Variants in CFAP74 observed in about 807,000 individuals in gnomAD.
CFAP74 encodes the protein cilia and flagella associated protein 74, also known as cilia- and flagella-associated protein 74.
A neutral mutation model predicts 188.9 loss-of-function variants in CFAP74; 124 were observed. The observed-to-expected ratio is 0.66, with a 90% CI of 0.57 to 0.76. The LOEUF (loss-of-function observed/expected upper bound fraction) is 0.76, where lower values mean the gene tolerates loss of function less well. CFAP74 is among the 30% of genes least tolerant of loss of function. CFAP74 has a pLI of 0.00. For synonymous variants in CFAP74, 956 were observed against 916.7 expected (o/e 1.04, Z -0.77); for missense variants, 2,198 against 2,165.2 (o/e 1.02, Z -0.30).
At chr1:1,924,357 G>GA in intron 34 of CFAP74, 34 bp downstream of exon 34, 1 of 33,350 alleles carries the variant, frequency 3.0e-5, no homozygotes, top group East Asian at 2.7e-3. Context: ...GCCCACCCCC[G>GA]CAGCTCACCA....
chr1:1,981,859 C>T (rs1181670506), intron 6 of CFAP74, among the ~76,000 whole-genome samples: 20 of 113,670 alleles, frequency 1.8e-4, no homozygotes, highest in African/African-American at 5.3e-4. Flanking sequence ...CACCCAGCCG[C>T]GGACAGACAC....
intron 1 of CFAP74, among the ~76,000 whole-genome samples, chr1:1,995,500 GA>G (rs34447221): frequency 0.58 from 81,807 of 140,866 alleles, 25,368 homozygotes; most frequent in African/African-American, 0.86. Context: ...TCAAAAAAAA[GA>G]AAAAAAAAAA....
chr1:1,989,594 G>A (rs1657455698), intron 2 of CFAP74, among the ~76,000 whole-genome samples: 1 of 152,194 alleles, frequency 6.6e-6, no homozygotes, highest in Non-Finnish European at 1.5e-5. Context: ...CCGAGTAGCT[G>A]AGGCTACAGA....
intron 30 of CFAP74, 53 bp downstream of exon 30, chr1:1,926,599 G>C: frequency 6.5e-7 from 1 of 1,544,900 alleles, no homozygotes; most frequent in Non-Finnish European, 8.8e-7. Flanking sequence ...TGGGGGAGGC[G>C]TGGGTGTGCC....
At chr1:1,961,548 C>T (rs184100027) in intron 14 of CFAP74, among the ~76,000 whole-genome samples, 2 of 152,248 alleles carry the variant, frequency 1.3e-5, no homozygotes, top group African/African-American at 4.8e-5. Context: ...AGGAATGCCT[C>T]GGTGGCTGAG....
chr1:1,956,755 G>A lies in CFAP74; in HGVS notation c.1881C>T (p.Phe627=), dbSNP rs780019199. The change falls in exon 17 of 39, where the codon TTC becomes TTT. Residue 627 remains phenylalanine (F), a synonymous_variant. Transcript: ENST00000682832. ...TGGTCTCTCCTACCACGTAGCTGCCGAAGTCAATGAGCTCCTTGTCGAGGG... is the reference window on the plus strand; with the variant it reads ...TGGTCTCTCCTACCACGTAGCTGCCAAAGTCAATGAGCTCCTTGTCGAGGG... The part of the protein sequence containing the change: ...SLSLDKELID[F]GSYVVGETTS... The A allele has an allele frequency of 1.1e-5, 17 of 1,613,284 alleles. No homozygotes were observed. In the Admixed American group the frequency reaches 1.2e-4, roughly 11 times the overall value.
intron 25 of CFAP74, among the ~76,000 whole-genome samples, chr1:1,937,985 C>T (rs995877564): frequency 2.0e-5 from 3 of 152,088 alleles, no homozygotes; most frequent in African/African-American, 4.8e-5. Context: ...CACGCATGGT[C>T]GCACACTCAA....
intron 6 of CFAP74, among the ~76,000 whole-genome samples, chr1:1,982,193 C>T (rs1182104732): frequency 6.6e-6 from 1 of 151,144 alleles, no homozygotes; most frequent in Non-Finnish European, 1.5e-5. Flanking sequence ...CACGGGGACA[C>T]GCAGGACACC....
At chr1:1,971,683 G>T (rs1284234475) in intron 9 of CFAP74, among the ~76,000 whole-genome samples, 2 of 152,188 alleles carry the variant, frequency 1.3e-5, no homozygotes, top group African/African-American at 4.8e-5. Context: ...TGGCCTCGAG[G>T]CACCCAGGCC....
At chr1:1,961,930 G>A (rs981173040) in intron 14 of CFAP74, among the ~76,000 whole-genome samples, 5 of 151,680 alleles carry the variant, frequency 3.3e-5, no homozygotes, top group African/African-American at 7.2e-5. Context: ...GAGCCCACGC[G>A]CCCCTGGGGG....
At position 1,974,350 on chromosome 1, in the gene CFAP74, C is replaced by T. The variant is rs1460642418; in HGVS notation, c.501-152G>A. On this transcript the variant is annotated intron_variant, in intron 6 of 38. Transcript: ENST00000682832. ...TCTAGGGGCCATCTCCGCTCTGAGT[C>T]ACCCAGACACTGAGGCCCGCCCTGC... 3 of 662,364 alleles carry T rather than the reference C, an allele frequency of 4.5e-6. No individual in the cohort carries two copies. In the East Asian group the frequency reaches 9.6e-5, roughly 21 times the overall value. 41.0% of individuals were successfully genotyped at this position (662,364 alleles called of 1,614,324 possible).
intron 1 of CFAP74, among the ~76,000 whole-genome samples, chr1:1,997,990 A>C (rs1469827993): frequency 6.6e-6 from 1 of 152,184 alleles, no homozygotes; most frequent in Non-Finnish European, 1.5e-5. Flanking sequence ...AGAAATTATC[A>C]ATGTGGGCCG....
At chr1:1,998,601 G>GC (rs878923288) in intron 1 of CFAP74, among the ~76,000 whole-genome samples, 4 of 152,280 alleles carry the variant, frequency 2.6e-5, no homozygotes, top group Admixed American at 2.6e-4. Context: ...TAGCCTGGGC[G>GC]CGGTGGCTCA....
intron 14 of CFAP74, among the ~76,000 whole-genome samples, chr1:1,962,929 A>G (rs182409908): frequency 6.6e-6 from 1 of 152,330 alleles, no homozygotes; most frequent in Admixed American, 6.5e-5. Context: ...CATTAAAGGC[A>G]ACCAGAAGGA....
intron 14 of CFAP74, among the ~76,000 whole-genome samples, chr1:1,961,089 G>A (rs918285824): frequency 2.0e-5 from 3 of 152,188 alleles, no homozygotes; most frequent in Non-Finnish European, 4.4e-5. Context: ...TTGATTAGCA[G>A]CACTAAGGGG....
rs973111747 is a variant in CFAP74 at position 1,975,730 on chromosome 1, G to T, written c.501-1532C>A. Among the ~76,000 whole-genome samples, 1 of 152,060 alleles carries T rather than the reference G, an allele frequency of 6.6e-6. No individual in the cohort carries two copies. The highest frequency in any genetic ancestry group is 6.6e-5 in the Admixed American group (1 of 15,250). ...CGGGTTATTTCTATTCCTCCCTCGC[G>T]TGACTCATGAAATTCTTTAATCTGA... is the stretch of plus-strand genomic sequence containing the variant. On this transcript the variant is annotated intron_variant, in intron 6 of 38. Transcript: ENST00000682832. The surrounding 1 kb of genome is among the most constrained non-coding windows in gnomAD (Gnocchi z 4.5).
In CFAP74 at chr1:1,928,814, T is replaced by G; in HGVS notation, c.3357A>C (p.Pro1119=). The G allele has an allele frequency of 6.5e-7, 1 of 1,535,494 alleles. No homozygotes were observed. The highest frequency in any genetic ancestry group is 8.7e-7 in the Non-Finnish European group (1 of 1,146,688). Residue 1119 remains proline (P), a synonymous_variant, in exon 27 of 39, where the codon CCA becomes CCC. Transcript: ENST00000682832. Reference sequence around the variant, plus strand: ...TGGTCTCCATTTCTTTGTTCAGGAGTGGGAGGGCTTCCTGGCGGATCAGCT... The same window carrying G: ...TGGTCTCCATTTCTTTGTTCAGGAGGGGGAGGGCTTCCTGGCGGATCAGCT... ...PEKLIRQEAL[P]LLNKEMETKS...
In CFAP74 at chr1:1,922,000, C is replaced by G. The variant is rs192859214; in HGVS notation, c.*287G>C. ...TTATTGACAGGCTGTGGAGGGCTCT[C>G]CTGGGGGCTGGGGGCTCTGAGGGGG... On this transcript the variant is annotated 3_prime_UTR_variant, in exon 39 of 39. Coordinates refer to ENST00000682832, the MANE Select transcript of CFAP74 (RefSeq NM_001304360.2). 1 of 439,736 alleles carries G rather than the reference C, an allele frequency of 2.3e-6. No individual in the cohort carries two copies. The highest frequency in any genetic ancestry group is 4.1e-6 in the Non-Finnish European group (1 of 245,002). The allele number at this position is 439,736 out of a possible 1,614,324, so 27.2% of individuals were successfully genotyped here.
chr1:1,950,400 T>C (rs1419135810), intron 18 of CFAP74, among the ~76,000 whole-genome samples: 4 of 151,290 alleles, frequency 2.6e-5, no homozygotes, highest in Non-Finnish European at 4.4e-5. Flanking sequence ...AGTGCAATGG[T>C]GCAGTCTCAG....
Sources: allele counts gnomAD v4.1 joint callset (sites outside exome capture counted in the v4.1 genomes callset), GRCh38; gene constraint gnomAD v4.1.1; non-coding constraint Gnocchi (gnomAD v3.1); transcripts MANE v1.5; gene names NCBI Gene and HGNC (gene_info 2026-07-23, HGNC 2026-07-21).